PTPN1: variants seen among roughly 807,000 people sequenced by gnomAD.
PTPN1 encodes the protein tyrosine-protein phosphatase non-receptor type 1.
A neutral mutation model predicts 59.9 loss-of-function variants in PTPN1; 12 were observed. That is an observed-to-expected ratio of 0.20 (90% confidence interval 0.13 to 0.32). PTPN1 has a LOEUF of 0.32. Among genes scored for constraint, PTPN1 ranks in the 10% least tolerant of loss-of-function variants. The pLI is 1.00. For missense variants in PTPN1, 356 were observed against 549.2 expected (o/e 0.65, Z 3.52); for synonymous variants, 178 against 203.6 (o/e 0.87, Z 1.07).
chr20:50,567,982 G>GAACCAAGGGAAGTGTTGT (rs1351478824), intron 3 of PTPN1, among the ~76,000 whole-genome samples: 1 of 152,220 alleles, frequency 6.6e-6, no homozygotes, highest in Non-Finnish European at 1.5e-5. Context: ...GATGTGATTG[G>GAACCAAGGGAAGTGTTGT]AACCAAGAGA....
intron 1 of PTPN1, among the ~76,000 whole-genome samples, chr20:50,520,735 A>G (rs572991143): frequency 6.6e-6 from 1 of 152,314 alleles, no homozygotes; most frequent in East Asian, 1.9e-4. Context: ...CACCCTGAGC[A>G]TGTGCACTCA....
chr20:50,568,301 A>AGCTGACTGCAGAAGGTGAGCACAC lies in PTPN1; in HGVS notation c.256-74_256-51dup, dbSNP rs2082788866. ...TGTGGGGACTGAGGGCGCTGTCGTT[A>AGCTGACTGCAGAAGGTGAGCACAC]GCTGACTGCAGAAGGTGAGCACACG... On this transcript the variant is annotated intron_variant, in intron 3 of 9. Coordinates refer to ENST00000371621, the MANE Select transcript of PTPN1 (RefSeq NM_002827.4). The surrounding 1 kb of genome is among the most constrained non-coding windows in gnomAD (Gnocchi z 5.6). 1 of 1,311,632 alleles carries AGCTGACTGCAGAAGGTGAGCACAC rather than the reference A, an allele frequency of 7.6e-7. No homozygotes were observed. The allele number at this position is 1,311,632 out of a possible 1,614,324, so 81.2% of individuals were successfully genotyped here. A position where few individuals can be genotyped will look rare whatever the true frequency, so the allele number is the denominator to read the frequency against.
intron 1 of PTPN1, among the ~76,000 whole-genome samples, chr20:50,529,964 T>G (rs768496423): frequency 5.3e-5 from 8 of 152,012 alleles, no homozygotes; most frequent in Non-Finnish European, 1.2e-4. Flanking sequence ...AACCTCCGCC[T>G]CCCAGGTTCA....
At chr20:50,556,894 G>A (rs1382380745) in intron 1 of PTPN1, among the ~76,000 whole-genome samples, 2 of 152,166 alleles carry the variant, frequency 1.3e-5, no homozygotes, top group Admixed American at 6.5e-5. Context: ...GTGGTGAGCC[G>A]ATATCGCATT....
At chr20:50,513,287 G>A (rs2082515026) in intron 1 of PTPN1, among the ~76,000 whole-genome samples, 1 of 152,170 alleles carries the variant, frequency 6.6e-6, no homozygotes, top group African/African-American at 2.4e-5. Context: ...TTGTTTTCTA[G>A]CATTTAAACA....
At chr20:50,574,155 G>A in intron 4 of PTPN1, 1 of 190,418 alleles carries the variant, frequency 5.3e-6, no homozygotes, top group Middle Eastern at 2.0e-3. Context: ...GCCTGATCAG[G>A]TCCTGGGTAA....
intron 1 of PTPN1, among the ~76,000 whole-genome samples, chr20:50,542,134 G>T (rs973192550): frequency 2.6e-5 from 4 of 152,182 alleles, no homozygotes; most frequent in African/African-American, 9.7e-5. Context: ...AGTACAATGT[G>T]GTCTTCACTC....
intron 1 of PTPN1, among the ~76,000 whole-genome samples, chr20:50,524,630 G>A (rs1216219027): frequency 7.5e-6 from 1 of 134,082 alleles, no homozygotes; most frequent in Non-Finnish European, 1.5e-5. Flanking sequence ...AGGCTGGAGT[G>A]CAGTGGCGCA....
intron 1 of PTPN1, among the ~76,000 whole-genome samples, chr20:50,549,009 C>T (rs998110847): frequency 6.6e-6 from 1 of 152,210 alleles, no homozygotes; most frequent in Non-Finnish European, 1.5e-5. Context: ...TGAGCCACCA[C>T]GCTTGGCCCA....
intron 3 of PTPN1, among the ~76,000 whole-genome samples, chr20:50,567,649 C>T (rs2082785244): frequency 6.6e-6 from 1 of 152,098 alleles, no homozygotes; most frequent in African/African-American, 2.4e-5. Flanking sequence ...TGAAATGGGC[C>T]AGCTGCTCAG....
At chr20:50,565,135 A>G in intron 3 of PTPN1, 66 bp downstream of exon 3, 2 of 1,474,276 alleles carry the variant, frequency 1.4e-6, no homozygotes, top group South Asian at 1.3e-5. Context: ...TGTTATCCAC[A>G]CCTCAAATAA....
At chr20:50,546,207 TC>T (rs2082675567) in intron 1 of PTPN1, among the ~76,000 whole-genome samples, 2 of 152,152 alleles carry the variant, frequency 1.3e-5, no homozygotes, top group South Asian at 4.1e-4. Context: ...TGAGGGCAGG[TC>T]TTTTGTCTTT....
chr20:50,539,287 C>T (rs1465254835), intron 1 of PTPN1, among the ~76,000 whole-genome samples: 1 of 152,148 alleles, frequency 6.6e-6, no homozygotes, highest in Non-Finnish European at 1.5e-5. Flanking sequence ...CCACCTGCCT[C>T]AGCCTTCCAA....
chr20:50,561,846 C>G (rs575826292), intron 2 of PTPN1, among the ~76,000 whole-genome samples: 1 of 152,156 alleles, frequency 6.6e-6, no homozygotes. Flanking sequence ...CACAGGCATT[C>G]GGGGTGGGCA....
intron 1 of PTPN1, among the ~76,000 whole-genome samples, chr20:50,537,689 G>T (rs1054632316): frequency 1.3e-5 from 2 of 152,148 alleles, no homozygotes; most frequent in Admixed American, 6.5e-5. Context: ...ACCTGTAAGA[G>T]AAATGAGATT....
chr20:50,523,929 T>C lies in PTPN1; in HGVS notation c.63+13339T>C, dbSNP rs373047930. On this transcript the variant is annotated intron_variant, in intron 1 of 9. Coordinates refer to ENST00000371621, the MANE Select transcript of PTPN1 (RefSeq NM_002827.4). ...CTGGGATTGACTTCTTGTCCGTCTCTGTTCATATTAAGTGTCACCTAGGCT... is the reference window on the plus strand; with the variant it reads ...CTGGGATTGACTTCTTGTCCGTCTCCGTTCATATTAAGTGTCACCTAGGCT... Among the ~76,000 whole-genome samples the C allele has an allele frequency of 2.7e-4, 41 of 152,382 alleles. 1 individual carries two copies. The South Asian group carries it at 8.1e-3, about 30-fold the overall frequency.
rs963686156 is a variant in PTPN1 at position 50,578,273 on chromosome 20, C to CT, written c.493-146dup. 2.3e-5 allele frequency: 17 copies of CT among 751,934 alleles called. No individual in the cohort carries two copies. In the African/African-American group the frequency reaches 2.8e-4, roughly 12 times the overall value. 46.6% of individuals were successfully genotyped at this position (751,934 alleles called of 1,614,324 possible). ...GGCCCCAGGGTGTGGTATTTGTTGACTGGGTGTGTGGACCCTGGGAGAAAG... is the reference window on the plus strand; with the variant it reads ...GGCCCCAGGGTGTGGTATTTGTTGACTTGGGTGTGTGGACCCTGGGAGAAAG... On this transcript the variant is annotated intron_variant, in intron 5 of 9. Transcript: ENST00000371621.
chr20:50,534,498 C>T (rs949704487), intron 1 of PTPN1, among the ~76,000 whole-genome samples: 15 of 152,048 alleles, frequency 9.9e-5, no homozygotes, highest in African/African-American at 2.9e-4. Context: ...TATTTTGTAA[C>T]GTAGAGGACT....
Position 50,568,630 on chromosome 20 carries a change from A to C in PTPN1, c.354+152A>C. The C allele has an allele frequency of 1.5e-6, 1 of 655,852 alleles. No individual in the cohort carries two copies. The highest frequency in any genetic ancestry group is 1.9e-5 in the South Asian group (1 of 52,140). The allele number at this position is 655,852 out of a possible 1,614,324, so 40.6% of individuals were successfully genotyped here. A position where few individuals can be genotyped will look rare whatever the true frequency, so the allele number is the denominator to read the frequency against. On this transcript the variant is annotated intron_variant, in intron 4 of 9. Coordinates refer to ENST00000371621, the MANE Select transcript of PTPN1 (RefSeq NM_002827.4). The surrounding 1 kb of genome is among the most constrained non-coding windows in gnomAD (Gnocchi z 5.6). Reference sequence around the variant, plus strand: ...AAAAAATTAAAACAGCAGCATATAAATGCATGTTGGTTGTCAACCAGTTAA... The same window carrying C: ...AAAAAATTAAAACAGCAGCATATAACTGCATGTTGGTTGTCAACCAGTTAA...
Sources: allele counts gnomAD v4.1 joint callset (sites outside exome capture counted in the v4.1 genomes callset), GRCh38; gene constraint gnomAD v4.1.1; non-coding constraint Gnocchi (gnomAD v3.1); transcripts MANE v1.5; gene names NCBI Gene and HGNC (gene_info 2026-07-23, HGNC 2026-07-21).